DPYD: variants seen among roughly 807,000 people sequenced by gnomAD.
DPYD encodes dihydropyrimidine dehydrogenase [NADP(+)].
DPYD carries 109 observed loss-of-function variants against 116.2 expected under a neutral mutation model. The ratio of observed to expected loss-of-function variants is 0.94; its 90% CI spans 0.80 to 1.10. The LOEUF (loss-of-function observed/expected upper bound fraction) is 1.10, where lower values mean the gene tolerates loss of function less well. Among genes scored for constraint, DPYD ranks in the 50% least tolerant of loss-of-function variants. DPYD has a pLI of 0.00. For synonymous variants in DPYD, 440 were observed against 432.0 expected (o/e 1.02, Z -0.23); for missense variants, 1,302 against 1,254.5 (o/e 1.04, Z -0.57).
intron 2 of DPYD, among the ~76,000 whole-genome samples, chr1:97,878,654 C>T (rs1672035402): frequency 6.6e-6 from 1 of 151,964 alleles, no homozygotes; most frequent in African/African-American, 2.4e-5. Context: ...ACTTTCTAAA[C>T]CCAGTCCCAG....
intron 1 of DPYD, among the ~76,000 whole-genome samples, chr1:97,890,928 G>GC (rs1672743324): frequency 6.6e-6 from 1 of 151,900 alleles, no homozygotes; most frequent in Admixed American, 6.6e-5. Flanking sequence ...TAAGTAGAAA[G>GC]CATAACATAA....
At chr1:97,606,727 A>G (rs887070699) in intron 8 of DPYD, among the ~76,000 whole-genome samples, 7 of 152,080 alleles carry the variant, frequency 4.6e-5, no homozygotes, top group African/African-American at 1.7e-4. Flanking sequence ...GTACATTAGC[A>G]AGGACAAATT....
chr1:97,869,049 TG>T (rs539965012), intron 2 of DPYD, among the ~76,000 whole-genome samples: 87 of 151,992 alleles, frequency 5.7e-4, no homozygotes, highest in African/African-American at 1.9e-3. Flanking sequence ...TGGCCTTTTC[TG>T]ATTTTCAGTA....
chr1:97,508,159 T>A (rs544397098), intron 13 of DPYD, among the ~76,000 whole-genome samples: 1 of 152,132 alleles, frequency 6.6e-6, no homozygotes, highest in Non-Finnish European at 1.5e-5. Context: ...AGCATGGCAA[T>A]TTCATATGGT....
intron 20 of DPYD, among the ~76,000 whole-genome samples, chr1:97,175,117 G>A (rs11165800): frequency 0.18 from 27,155 of 152,108 alleles, 2,475 homozygotes; most frequent in East Asian, 0.29. Context: ...TTGCTGGAGA[G>A]TTTTCCAAAG....
At chr1:97,776,906 T>A (rs1218522992) in intron 3 of DPYD, among the ~76,000 whole-genome samples, 5 of 152,208 alleles carry the variant, frequency 3.3e-5, no homozygotes, top group Non-Finnish European at 5.9e-5. Flanking sequence ...TTGTTACTGT[T>A]ATTACAAGTT....
intron 14 of DPYD, among the ~76,000 whole-genome samples, chr1:97,408,887 CT>C (rs1673819605): frequency 6.6e-6 from 1 of 152,136 alleles, no homozygotes; most frequent in African/African-American, 2.4e-5. Context: ...AATTCTTCAG[CT>C]TTTGGACTCT....
At chr1:97,536,004 T>G (rs1220703250) in intron 12 of DPYD, among the ~76,000 whole-genome samples, 1 of 152,254 alleles carries the variant, frequency 6.6e-6, no homozygotes, top group Non-Finnish European at 1.5e-5. Context: ...TAGGGTTTAA[T>G]GTATGTTTAT....
chr1:97,816,866 C>A (rs1013452517), intron 3 of DPYD, among the ~76,000 whole-genome samples: 1 of 151,986 alleles, frequency 6.6e-6, no homozygotes, highest in African/African-American at 2.4e-5. Context: ...AGATAGGGCA[C>A]CTCAGTAATG....
In DPYD at chr1:97,173,222, G is replaced by T. The variant is rs546963482; in HGVS notation, c.2622+19847C>A. Among the ~76,000 whole-genome samples the T allele has an allele frequency of 4.2e-5, 4 of 96,382 alleles. No homozygotes were observed. The East Asian group carries it at 9.1e-4, about 22-fold the overall frequency. The allele number at this position is 96,382 out of a possible 152,430, so 63.2% of individuals were successfully genotyped here. On this transcript the variant is annotated intron_variant, in intron 20 of 22. Coordinates refer to ENST00000370192, the MANE Select transcript of DPYD (RefSeq NM_000110.4). ...TATGTGTACATATATACACATATAC[G>T]TACATATATGCGCACACATATATGT...
chr1:97,227,229 A>G (rs760739407), intron 19 of DPYD, among the ~76,000 whole-genome samples: 19 of 146,420 alleles, frequency 1.3e-4, no homozygotes, highest in Non-Finnish European at 2.7e-4. Flanking sequence ...CGGGAGGCTG[A>G]GGCAGGAAAA....
intron 7 of DPYD, among the ~76,000 whole-genome samples, chr1:97,680,231 G>C (rs1660361207): frequency 6.6e-6 from 1 of 152,076 alleles, no homozygotes; most frequent in South Asian, 2.1e-4. Context: ...AGTTGGGAAG[G>C]CCACATGAAA....
intron 13 of DPYD, chr1:97,514,148 T>G (rs895148975): frequency 2.1e-6 from 2 of 944,406 alleles, no homozygotes; most frequent in East Asian, 2.3e-4. Flanking sequence ...TAAATTCAAA[T>G]TGGAGGTTTA....
At chr1:97,500,727 C>T (rs757251760) in intron 13 of DPYD, among the ~76,000 whole-genome samples, 2 of 152,048 alleles carry the variant, frequency 1.3e-5, no homozygotes, top group Non-Finnish European at 2.9e-5. Flanking sequence ...AGATGCATTT[C>T]TCAATTGCTC....
rs1313719860 is a variant in DPYD at position 97,223,722 on chromosome 1, T to C, written c.2442+11130A>G. 3.3e-5 allele frequency among the ~76,000 whole-genome samples: 5 copies of C among 152,160 alleles called. No individual in the cohort carries two copies. The East Asian group carries it at 9.7e-4, about 29-fold the overall frequency. On this transcript the variant is annotated intron_variant, in intron 19 of 22. Transcript: ENST00000370192. ...CCCTAAATAGTTTTTCAACAGAAAT[T>C]ATAGTCTAGTACTTGAATACTAGAA...
intron 19 of DPYD, among the ~76,000 whole-genome samples, chr1:97,232,432 G>C (rs529744494): frequency 2.7e-4 from 41 of 152,134 alleles, no homozygotes; most frequent in African/African-American, 9.2e-4. Flanking sequence ...TGAATCTACA[G>C]GTTTATGTCT....
intron 10 of DPYD, among the ~76,000 whole-genome samples, chr1:97,592,430 G>C (rs994789966): frequency 6.6e-6 from 1 of 152,076 alleles, no homozygotes; most frequent in African/African-American, 2.4e-5. Flanking sequence ...GCAGTGGCAC[G>C]ATCTGGGCTC....
intron 4 of DPYD, among the ~76,000 whole-genome samples, chr1:97,735,237 AAAT>A (rs1663856475): frequency 6.6e-6 from 1 of 152,134 alleles, no homozygotes; most frequent in Admixed American, 6.5e-5. Context: ...CAGAGTAAAA[AAAT>A]AATAATAAAA....
chr1:97,873,051 G>C (rs879287505), intron 2 of DPYD, among the ~76,000 whole-genome samples: 1 of 151,742 alleles, frequency 6.6e-6, no homozygotes, highest in African/African-American at 2.4e-5. Context: ...TCTGAGACCA[G>C]GCTACAGTAC....
Sources: gnomAD v4.1 joint callset for allele counts (sites outside exome capture counted in the v4.1 genomes callset) on GRCh38, gnomAD v4.1.1 for gene constraint, MANE v1.5 for transcripts, NCBI Gene and HGNC (gene_info 2026-07-23, HGNC 2026-07-21) for gene names.